Variants in RAB3IP observed in about 807,000 individuals in gnomAD.
The protein encoded by RAB3IP is rab-3A-interacting protein.
A neutral mutation model predicts 59.1 loss-of-function variants in RAB3IP; 36 were observed. That is an observed-to-expected ratio of 0.61 (90% CI 0.47 to 0.80). The LOEUF (loss-of-function observed/expected upper bound fraction) is 0.80, where lower values mean the gene tolerates loss of function less well. Among genes scored for constraint, RAB3IP ranks in the 30% least tolerant of loss-of-function variants. The probability of loss-of-function intolerance (pLI) is 0.00; values close to 1 mark genes in which losing one functional copy is unlikely to be tolerated. For missense variants in RAB3IP, 511 were observed against 536.0 expected, an observed-to-expected ratio of 0.95 and a Z score of 0.46; for synonymous variants, 207 against 191.2, an observed-to-expected ratio of 1.08 and a Z score of -0.68.
chr12:69,803,938 G>A (rs945507077), intron 8 of RAB3IP, among the ~76,000 whole-genome samples: 3 of 152,130 alleles, frequency 2.0e-5, no homozygotes, highest in Non-Finnish European at 2.9e-5. Context: ...TTGCTATTGC[G>A]AATAGTGCCG....
intron 8 of RAB3IP, among the ~76,000 whole-genome samples, chr12:69,809,334 T>G (rs1592624521): frequency 1.3e-5 from 2 of 152,310 alleles, no homozygotes; most frequent in Admixed American, 6.5e-5. Flanking sequence ...CCCTTAACAT[T>G]TTTTCCTTTA....
intron 1 of RAB3IP, among the ~76,000 whole-genome samples, chr12:69,747,990 T>G (rs1868604969): frequency 6.6e-6 from 1 of 152,132 alleles, no homozygotes; most frequent in Admixed American, 6.5e-5. Flanking sequence ...CTTTGAGGAA[T>G]TTTAGTAAAC....
At chr12:69,739,847 A>G in intron 1 of RAB3IP, 1 of 1,614,066 alleles carries the variant, frequency 6.2e-7, no homozygotes, top group Non-Finnish European at 8.5e-7. Context: ...GCCGGTTGTT[A>G]TGGGATTAAA....
intron 6 of RAB3IP, among the ~76,000 whole-genome samples, 200 bp from the exon 7 acceptor site, chr12:69,800,009 A>C (rs1003006856): frequency 2.2e-5 from 3 of 137,102 alleles, no homozygotes; most frequent in Non-Finnish European, 3.1e-5. Flanking sequence ...ACCAGGTATT[A>C]TGCTACCAGG....
Position 69,820,304 on chromosome 12 carries a change from T to C in RAB3IP, c.*4858T>C, listed in dbSNP as rs36027548. The C allele has an allele frequency of 0.017, 2,592 of 152,234 alleles. 31 individuals carry two copies. Among genetic ancestry groups the C allele is most frequent in the African/African-American group, 0.023 (956 of 41,510 alleles). 9.4% of individuals were successfully genotyped at this position (152,234 alleles called of 1,614,324 possible). ...GTCATTGTCACTCCCATTCCAGTTA[T>C]CAGCAAATTCCATCAGCTGTCTCCG... On this transcript the variant is annotated 3_prime_UTR_variant, in exon 11 of 11. Transcript: ENST00000247833.
At chr12:69,759,739 C>CG (rs1234724563) in intron 3 of RAB3IP, among the ~76,000 whole-genome samples, 47 of 149,434 alleles carry the variant, frequency 3.1e-4, no homozygotes, top group Admixed American at 2.9e-3. Context: ...GGCTGCCGGG[C>CG]GGGGGCTGAC....
At chr12:69,748,907 T>C (rs2044505475) in intron 1 of RAB3IP, among the ~76,000 whole-genome samples, 1 of 152,220 alleles carries the variant, frequency 6.6e-6, no homozygotes, top group African/African-American at 2.4e-5. Context: ...AATTACATTT[T>C]ATGGAAATTT....
intron 3 of RAB3IP, chr12:69,779,280 C>A (rs968151092): frequency 7.0e-6 from 1 of 142,744 alleles, no homozygotes; most frequent in Admixed American, 7.0e-5. Flanking sequence ...GGCTCGCGCA[C>A]GGTGCGCACA....
intron 8 of RAB3IP, 150 bp downstream of exon 8, chr12:69,801,871 C>G (rs1878442301): frequency 3.9e-6 from 2 of 508,408 alleles, no homozygotes; most frequent in South Asian, 2.8e-5. Flanking sequence ...AGACAAATTC[C>G]TGAGACAGTG....
chr12:69,823,050 AGAAAT>A lies in RAB3IP; in HGVS notation c.*7607_*7611del, dbSNP rs1163008356. On this transcript the variant is annotated 3_prime_UTR_variant, in exon 11 of 11. Coordinates refer to ENST00000247833, the MANE Select transcript of RAB3IP (RefSeq NM_022456.5). ...AAGTTGTTGAATGTTTCCAACATAA[AGAAAT>A]GATAAGTGTTTGAGATGATGGATAT... The A allele has an allele frequency of 6.6e-6, 1 of 152,192 alleles. No individual in the cohort carries two copies. Among genetic ancestry groups the A allele is most frequent in the Non-Finnish European group, 1.5e-5 (1 of 68,020 alleles). 9.4% of individuals were successfully genotyped at this position (152,192 alleles called of 1,614,324 possible).
chr12:69,749,257 A>G (rs1205461811), intron 1 of RAB3IP, among the ~76,000 whole-genome samples: 1 of 152,184 alleles, frequency 6.6e-6, no homozygotes, highest in Non-Finnish European at 1.5e-5. Flanking sequence ...CGTATTGTGA[A>G]CTGCACATTG....
rs1197706743 is a variant in RAB3IP at position 69,796,565 on chromosome 12, G to A, written c.888+1221G>A. 9.8e-6 allele frequency: 5 copies of A among 508,888 alleles called. No homozygotes were observed. The African/African-American group carries it at 9.9e-5, about 10-fold the overall frequency. The allele number at this position is 508,888 out of a possible 1,614,324, so 31.5% of individuals were successfully genotyped here. A position where few individuals can be genotyped will look rare whatever the true frequency, so the allele number is the denominator to read the frequency against. ...TTAAATTTTTGTATGGAAGCCAGGAGTTTATTAAATGGAATAACCAATGTT... is the reference window on the plus strand; with the variant it reads ...TTAAATTTTTGTATGGAAGCCAGGAATTTATTAAATGGAATAACCAATGTT... On this transcript the variant is annotated intron_variant, in intron 6 of 10. Transcript: ENST00000247833.
At position 69,820,567 on chromosome 12, in the gene RAB3IP, A is replaced by C. The variant is rs952470214; in HGVS notation, c.*5121A>C. Reference sequence around the variant, plus strand: ...CATTGCACTTAGAAAAAAAAAAAAAAAAAAAAACTGGCCAGGTGCGATGGC... The same window carrying C: ...CATTGCACTTAGAAAAAAAAAAAAACAAAAAAACTGGCCAGGTGCGATGGC... On this transcript the variant is annotated 3_prime_UTR_variant, in exon 11 of 11. Transcript: ENST00000247833. 6.6e-6 allele frequency: 1 copy of C among 151,872 alleles called. No homozygotes were observed. Among genetic ancestry groups the C allele is most frequent in the Non-Finnish European group, 1.5e-5 (1 of 68,076 alleles). 9.4% of individuals were successfully genotyped at this position (151,872 alleles called of 1,614,324 possible).
intron 2 of RAB3IP, 96 bp downstream of exon 2, chr12:69,755,755 AT>A (rs1030555092): frequency 1.7e-5 from 18 of 1,039,814 alleles, no homozygotes; most frequent in East Asian, 7.8e-5. Flanking sequence ...GAAAATTTGA[AT>A]AACTTAAGTG....
intron 3 of RAB3IP, among the ~76,000 whole-genome samples, chr12:69,779,956 C>T (rs1035357764): frequency 4.6e-5 from 7 of 152,178 alleles, no homozygotes; most frequent in African/African-American, 1.4e-4. Context: ...CAAGTCTTTG[C>T]AGTGTGACTT....
At chr12:69,770,435 T>TAAATAAAA (rs1872920362) in intron 3 of RAB3IP, among the ~76,000 whole-genome samples, 1 of 152,206 alleles carries the variant, frequency 6.6e-6, no homozygotes. Context: ...GTGTAAATAG[T>TAAATAAAA]TGTTATACTG....
chr12:69,769,688 G>A (rs928289840), intron 3 of RAB3IP, among the ~76,000 whole-genome samples: 6 of 152,192 alleles, frequency 3.9e-5, no homozygotes, highest in African/African-American at 1.4e-4. Flanking sequence ...GTACTCAACA[G>A]CATTACAGTA....
intron 1 of RAB3IP, among the ~76,000 whole-genome samples, chr12:69,741,628 G>A (rs1244905230): frequency 1.3e-5 from 2 of 152,200 alleles, no homozygotes; most frequent in African/African-American, 4.8e-5. Flanking sequence ...TGAGCGAGGA[G>A]ATAATACTTT....
chr12:69,757,856 G>A (rs1233806149), intron 3 of RAB3IP, among the ~76,000 whole-genome samples: 1 of 152,154 alleles, frequency 6.6e-6, no homozygotes, highest in African/African-American at 2.4e-5. Flanking sequence ...AAAATTTTGA[G>A]TATATGTATC....
Sources: gnomAD v4.1 joint callset for allele counts (sites outside exome capture counted in the v4.1 genomes callset) on GRCh38, gnomAD v4.1.1 for gene constraint, MANE v1.5 for transcripts, NCBI Gene and HGNC (gene_info 2026-07-23, HGNC 2026-07-21) for gene names.